Variants in LZIC observed in about 807,000 individuals in gnomAD.
LZIC encodes the protein protein LZIC.
LZIC carries 28 observed loss-of-function variants against 25.4 expected under a neutral mutation model. The observed-to-expected ratio is 1.10, with a 90% CI of 0.82 to 1.51. The LOEUF (loss-of-function observed/expected upper bound fraction) is 1.51. LZIC is among the 40% of genes most tolerant of loss of function. LZIC has a pLI of 0.00. For synonymous variants in LZIC, 65 were observed against 70.7 expected (o/e 0.92, Z 0.40); for missense variants, 170 against 211.1 (o/e 0.81, Z 1.21).
At position 9,929,583 on chromosome 1, in the gene LZIC, T is replaced by C. The variant is rs948831716; in HGVS notation, c.*816A>G. 1.9e-5 allele frequency: 19 copies of C among 985,258 alleles called. No individual in the cohort carries two copies. The highest frequency in any genetic ancestry group is 6.0e-6 in the Non-Finnish European group (5 of 829,928). The allele number at this position is 985,258 out of a possible 1,614,324, so 61.0% of individuals were successfully genotyped here. ...CCTCTAGCTGCCATTTCCTGTTGCT[T>C]CCCTGGTCAAACAACGCAGGCGGCT... On this transcript the variant is annotated 3_prime_UTR_variant, in exon 8 of 8. Transcript: ENST00000377223.
chr1:9,925,452 T>C (rs1051795493), downstream of LZIC, among the ~76,000 whole-genome samples: 1 of 152,248 alleles, frequency 6.6e-6, no homozygotes, highest in African/African-American at 2.4e-5. Flanking sequence ...TTTTTAATTG[T>C]ATTCAACTGC....
intron 1 of LZIC, 90 bp downstream of exon 1, chr1:9,943,159 A>G: frequency 5.6e-6 from 1 of 178,342 alleles, no homozygotes; most frequent in South Asian, 1.1e-4. Flanking sequence ...TCCGGCACGT[A>G]GGTCCCGCGG....
At position 9,931,309 on chromosome 1, in the gene LZIC, C is replaced by T. The variant is rs1253907061; in HGVS notation, c.514+582G>A. ...GATGAGTCTCGCTCTGTCGCCCAGG[C>T]TGGTGTGCAGTGGCACAATCTCGGC... is the stretch of plus-strand genomic sequence containing the variant. On this transcript the variant is annotated intron_variant, in intron 7 of 7. Transcript: ENST00000377223. Among the ~76,000 whole-genome samples the T allele has an allele frequency of 2.6e-5, 4 of 152,286 alleles. No homozygotes were observed. In the East Asian group the frequency reaches 7.7e-4, roughly 29 times the overall value.
rs1249707232 is a variant in LZIC at position 9,929,540 on chromosome 1, G to A, written c.*859C>T. The A allele has an allele frequency of 8.1e-6, 8 of 985,246 alleles. No individual in the cohort carries two copies. In the East Asian group the frequency reaches 6.8e-4, roughly 84 times the overall value. 61.0% of individuals were successfully genotyped at this position (985,246 alleles called of 1,614,324 possible). On this transcript the variant is annotated 3_prime_UTR_variant, in exon 8 of 8. Transcript: ENST00000377223. ...TTACCCCCCTCTGAGTGTGACAAGA[G>A]GTCACGCACAGGGAGGGCCTCTAGC...
chr1:9,932,101 TGGGGGGG>T (rs550002629), intron 6 of LZIC, 129 bp from the exon 7 acceptor site: 68 of 186,672 alleles, frequency 3.6e-4, no homozygotes, highest in Middle Eastern at 2.1e-3. Context: ...TTGGGAGGCG[TGGGGGGG>T]GGGGGGGGGT....
intron 7 of LZIC, among the ~76,000 whole-genome samples, chr1:9,931,123 A>G (rs1457179961): frequency 6.6e-6 from 1 of 151,910 alleles, no homozygotes; most frequent in Non-Finnish European, 1.5e-5. Flanking sequence ...CTGGAGTACA[A>G]TGGCATGATC....
At chr1:9,933,541 A>G (rs753131079) in intron 5 of LZIC, among the ~76,000 whole-genome samples, 3 of 152,108 alleles carry the variant, frequency 2.0e-5, no homozygotes, top group Non-Finnish European at 4.4e-5. Flanking sequence ...CATAAGAACC[A>G]TAAGAGGTAA....
chr1:9,939,682 T>G (rs1303629882), intron 2 of LZIC, among the ~76,000 whole-genome samples: 1 of 152,128 alleles, frequency 6.6e-6, no homozygotes, highest in African/African-American at 2.4e-5. Context: ...ATTTACATTA[T>G]TATGGCTTTA....
At position 9,927,403 on chromosome 1, in the gene LZIC, G is replaced by A. The variant is rs138595727; in HGVS notation, c.*2996C>T. On this transcript the variant is annotated 3_prime_UTR_variant, in exon 8 of 8. Transcript: ENST00000377223. ...TGCAACCTCTGCTTCCCAGGTTCAGGTGATCCTCTGACCTCAGCTTCCTGA... is the reference window on the plus strand; with the variant it reads ...TGCAACCTCTGCTTCCCAGGTTCAGATGATCCTCTGACCTCAGCTTCCTGA... 6.6e-6 allele frequency among the ~76,000 whole-genome samples: 1 copy of A among 152,054 alleles called. No homozygotes were observed. Among genetic ancestry groups the A allele is most frequent in the East Asian group, 1.9e-4 (1 of 5,176 alleles).
chr1:9,928,422 A>ATATT lies in LZIC; in HGVS notation c.*1976_*1977insAATA, dbSNP rs1473337047. Among the ~76,000 whole-genome samples the ATATT allele has an allele frequency of 6.6e-6, 1 of 152,238 alleles. No homozygotes were observed. The highest frequency in any genetic ancestry group is 1.5e-5 in the Non-Finnish European group (1 of 68,044). ...TATTCAAACAAATATTTGTACACAA[A>ATATT]TGTTCACTGAAGCATTATTCACAAT... On this transcript the variant is annotated 3_prime_UTR_variant, in exon 8 of 8. Transcript: ENST00000377223.
Position 9,930,345 on chromosome 1 carries a change from AAAGACACCATTTACATT to A in LZIC, c.*37_*53del. ...TTGCAATAACTGAAAACCCCAGAAGAAAGACACCATTTACATTAAGAATGTGATCAATGTTACAAGCT... is the reference window on the plus strand; with the variant it reads ...TTGCAATAACTGAAAACCCCAGAAGAAAGAATGTGATCAATGTTACAAGCT... On this transcript the variant is annotated 3_prime_UTR_variant, in exon 8 of 8. Coordinates refer to ENST00000377223, the MANE Select transcript of LZIC (RefSeq NM_032368.5). The A allele has an allele frequency of 6.3e-7, 1 of 1,593,570 alleles. No homozygotes were observed. The highest frequency in any genetic ancestry group is 8.5e-7 in the Non-Finnish European group (1 of 1,170,954).
downstream of LZIC, among the ~76,000 whole-genome samples, chr1:9,923,118 G>A (rs542682408): frequency 6.6e-6 from 1 of 152,164 alleles, no homozygotes; most frequent in South Asian, 2.1e-4. Flanking sequence ...CCCACAGTAG[G>A]GACTCCCAGT....
At chr1:9,939,843 G>T (rs1640627825) in intron 2 of LZIC, among the ~76,000 whole-genome samples, 1 of 152,118 alleles carries the variant, frequency 6.6e-6, no homozygotes, top group Non-Finnish European at 1.5e-5. Context: ...CTGGGGCCAG[G>T]CATGGTGTCT....
downstream of LZIC, among the ~76,000 whole-genome samples, chr1:9,925,116 A>G (rs931947537): frequency 7.3e-5 from 11 of 151,062 alleles, no homozygotes; most frequent in Admixed American, 6.6e-5. Context: ...CTTTGAGACC[A>G]GCCTGGCCAA....
At chr1:9,924,164 G>T (rs1387478720), downstream of LZIC, among the ~76,000 whole-genome samples, 1 of 152,242 alleles carries the variant, frequency 6.6e-6, no homozygotes, top group African/African-American at 2.4e-5. Flanking sequence ...GGGATTACAG[G>T]CATGAGCCAC....
At position 9,929,894 on chromosome 1, in the gene LZIC, G is replaced by A. The variant is rs1342901944; in HGVS notation, c.*505C>T. 3 of 954,316 alleles carry A rather than the reference G, an allele frequency of 3.1e-6. No individual in the cohort carries two copies. The highest frequency in any genetic ancestry group is 3.7e-6 in the Non-Finnish European group (3 of 801,662). 59.1% of individuals were successfully genotyped at this position (954,316 alleles called of 1,614,324 possible). ...CTCTGATGCGACTTTAAGCAAAGTC[G>A]CTTGCTCTTTCTGGACCTCAGTTTC... On this transcript the variant is annotated 3_prime_UTR_variant, in exon 8 of 8. Transcript: ENST00000377223.
intron 2 of LZIC, among the ~76,000 whole-genome samples, chr1:9,942,034 A>G (rs976350819): frequency 1.3e-5 from 2 of 151,988 alleles, no homozygotes; most frequent in Admixed American, 1.3e-4. Context: ...CTCCTGCCTC[A>G]GCCTCTCCAG....
In LZIC at chr1:9,929,311, A is replaced by G. The variant is rs1640116050; in HGVS notation, c.*1088T>C. On this transcript the variant is annotated 3_prime_UTR_variant, in exon 8 of 8. Transcript: ENST00000377223. ...TTAAAAATGCTTTTAATTTGTATAA[A>G]GTGCAAAGAAAAAGAATATTGAGAA... 2 of 984,734 alleles carry G rather than the reference A, an allele frequency of 2.0e-6. No individual in the cohort carries two copies. Among genetic ancestry groups the G allele is most frequent in the African/African-American group, 3.5e-5 (2 of 57,238 alleles). The allele number at this position is 984,734 out of a possible 1,614,324, so 61.0% of individuals were successfully genotyped here. A position where few individuals can be genotyped will look rare whatever the true frequency, so the allele number is the denominator to read the frequency against.
chr1:9,931,306 A>G (rs1214932103), intron 7 of LZIC, among the ~76,000 whole-genome samples: 1 of 152,006 alleles, frequency 6.6e-6, no homozygotes, highest in Non-Finnish European at 1.5e-5. Context: ...TCTGTCGCCC[A>G]GGCTGGTGTG....
Sources: gnomAD v4.1 joint callset for allele counts (sites outside exome capture counted in the v4.1 genomes callset) on GRCh38, gnomAD v4.1.1 for gene constraint, MANE v1.5 for transcripts, NCBI Gene and HGNC (gene_info 2026-07-23, HGNC 2026-07-21) for gene names.